CFAP299: variants seen among roughly 807,000 people sequenced by gnomAD.
CFAP299 encodes the protein cilia- and flagella-associated protein 299.
Under a neutral mutation model 27.0 loss-of-function variants are expected in CFAP299, and 21 were observed. The observed-to-expected ratio is 0.78, with a 90% confidence interval of 0.55 to 1.12. The LOEUF (loss-of-function observed/expected upper bound fraction) is 1.12. CFAP299 is among the 50% of genes most tolerant of loss of function. CFAP299 has a pLI of 0.00. For missense variants in CFAP299, 310 were observed against 276.6 expected (o/e 1.12, Z -0.86); for synonymous variants, 104 against 98.1 (o/e 1.06, Z -0.36).
At chr4:80,763,780 A>G (rs571532515) in intron 3 of CFAP299, among the ~76,000 whole-genome samples, 45 of 152,254 alleles carry the variant, frequency 3.0e-4, no homozygotes, top group African/African-American at 1.0e-3. Context: ...GAAACAGAAC[A>G]GAGGCCTCAG....
intron 2 of CFAP299, among the ~76,000 whole-genome samples, chr4:80,456,118 G>A (rs1447954941): frequency 6.6e-6 from 1 of 152,108 alleles, no homozygotes; most frequent in Non-Finnish European, 1.5e-5. Flanking sequence ...ATGAACTAAG[G>A]TAGCAAGCCA....
At chr4:80,497,147 G>A (rs2110146464) in intron 2 of CFAP299, among the ~76,000 whole-genome samples, 1 of 152,256 alleles carries the variant, frequency 6.6e-6, no homozygotes, top group East Asian at 1.9e-4. Context: ...GCACACACCT[G>A]TAATCCTAAC....
At chr4:80,852,624 A>C (rs987416148) in intron 3 of CFAP299, among the ~76,000 whole-genome samples, 1 of 152,228 alleles carries the variant, frequency 6.6e-6, no homozygotes, top group Non-Finnish European at 1.5e-5. Context: ...ATTCTATTCA[A>C]GAAAGAACCA....
At chr4:80,902,432 G>T in intron 4 of CFAP299, among the ~76,000 whole-genome samples, 1 of 103,470 alleles carries the variant, frequency 9.7e-6, no homozygotes, top group South Asian at 3.2e-4. Flanking sequence ...GTTTATATAT[G>T]TAAGTATATA....
At chr4:80,454,394 A>T (rs1729048629) in intron 2 of CFAP299, among the ~76,000 whole-genome samples, 1 of 152,232 alleles carries the variant, frequency 6.6e-6, no homozygotes, top group Admixed American at 6.5e-5. Context: ...ATGTCTTCAG[A>T]TAAAGTGACT....
At chr4:80,919,737 T>C (rs1735949117) in intron 4 of CFAP299, among the ~76,000 whole-genome samples, 1 of 152,138 alleles carries the variant, frequency 6.6e-6, no homozygotes, top group African/African-American at 2.4e-5. Context: ...GTGTAAATTA[T>C]TCCAGGCCAT....
chr4:80,622,073 A>C (rs556928613), intron 3 of CFAP299, among the ~76,000 whole-genome samples: 1 of 152,278 alleles, frequency 6.6e-6, no homozygotes, highest in South Asian at 2.1e-4. Flanking sequence ...ACAGACTGTC[A>C]ATCCCAAACA....
chr4:80,861,893 C>T (rs1040518325), intron 3 of CFAP299, among the ~76,000 whole-genome samples: 1 of 152,006 alleles, frequency 6.6e-6, no homozygotes, highest in Non-Finnish European at 1.5e-5. Flanking sequence ...TTAATTCACT[C>T]TTTTGGATTT....
rs193118847 is a variant in CFAP299, at chr4:80,510,198, C to T, written c.243-72895C>T. Among the ~76,000 whole-genome samples the T allele has an allele frequency of 5.0e-3, 767 of 152,194 alleles. 4 individuals are homozygous for T. Among genetic ancestry groups the T allele is most frequent in the Middle Eastern group, 0.017 (5 of 294 alleles). ...ATTATGCTTTTTAAAAAATATGTTT[C>T]GCTTATCTGAATGATGATACCAAAT... On this transcript the variant is annotated intron_variant, in intron 2 of 5. Transcript: ENST00000358105.
chr4:80,823,528 T>G (rs546312094), intron 3 of CFAP299, among the ~76,000 whole-genome samples: 1 of 152,300 alleles, frequency 6.6e-6, no homozygotes, highest in East Asian at 1.9e-4. Flanking sequence ...TCTGTATACT[T>G]GCCCTTAAAT....
In CFAP299 at chr4:80,583,195, T is replaced by G; in HGVS notation, c.333+12T>G. The G allele has an allele frequency of 6.5e-7, 1 of 1,548,332 alleles. No homozygotes were observed. Among genetic ancestry groups the G allele is most frequent in the Non-Finnish European group, 8.9e-7 (1 of 1,126,698 alleles). ...GTGGAAAACTGAGTGTAAGTACATT[T>G]CATCCAACAGCTTAAAATGTATACA... On this transcript the variant is annotated intron_variant, in intron 3 of 5. Transcript: ENST00000358105.
chr4:80,954,677 A>T (rs4693758), intron 5 of CFAP299, among the ~76,000 whole-genome samples: 148,744 of 152,108 alleles, frequency 0.98, 72,812 homozygotes, highest in East Asian at 1. Flanking sequence ...GGTTCTTAAT[A>T]TGCGGGGGGG....
intron 2 of CFAP299, among the ~76,000 whole-genome samples, chr4:80,453,850 T>G (rs199993345): frequency 1.4e-5 from 2 of 138,972 alleles, no homozygotes; most frequent in East Asian, 4.1e-4. Context: ...CAAATAATAA[T>G]AATAATAATA....
intron 3 of CFAP299, among the ~76,000 whole-genome samples, chr4:80,660,054 G>T (rs1299459683): frequency 6.6e-6 from 1 of 151,996 alleles, no homozygotes; most frequent in Non-Finnish European, 1.5e-5. Context: ...ATCTAAAATT[G>T]GGGCAATAGG....
chr4:80,819,193 C>A (rs1390463685), intron 3 of CFAP299, among the ~76,000 whole-genome samples: 1 of 151,954 alleles, frequency 6.6e-6, no homozygotes, highest in Non-Finnish European at 1.5e-5. Context: ...CAAGCAGAGA[C>A]AATATACTCT....
chr4:80,329,740 C>A, the CFAP299 span, among the ~76,000 whole-genome samples: 2 of 151,984 alleles, frequency 1.3e-5, no homozygotes, highest in Non-Finnish European at 2.9e-5. Context: ...TGTATTATTA[C>A]CATGGCTGCA....
At chr4:80,865,506 G>A (rs1450311905) in intron 3 of CFAP299, among the ~76,000 whole-genome samples, 2 of 152,044 alleles carry the variant, frequency 1.3e-5, no homozygotes, top group Admixed American at 6.6e-5. Context: ...TTTAAAAGAT[G>A]TATTTCTAAA....
chr4:80,798,767 C>T (rs1166107686), intron 3 of CFAP299, among the ~76,000 whole-genome samples: 1 of 152,024 alleles, frequency 6.6e-6, no homozygotes, highest in Non-Finnish European at 1.5e-5. Flanking sequence ...TTATTATATT[C>T]CTTGATTCTT....
At chr4:80,717,128 A>G (rs905806205) in intron 3 of CFAP299, among the ~76,000 whole-genome samples, 5 of 152,098 alleles carry the variant, frequency 3.3e-5, no homozygotes, top group Admixed American at 6.6e-5. Context: ...TTTTTTATGA[A>G]GTTTTCAATA....
Sources: allele counts gnomAD v4.1 joint callset (sites outside exome capture counted in the v4.1 genomes callset), GRCh38; gene constraint gnomAD v4.1.1; transcripts MANE v1.5; gene names NCBI Gene and HGNC (gene_info 2026-07-23, HGNC 2026-07-21).